The following ARHGEF16 variants were observed in gnomAD, a reference collection of about 807,000 sequenced individuals.
ARHGEF16 encodes Rho guanine exchange factor (GEF) 16.
In ARHGEF16, 59 loss-of-function variants were observed where a neutral mutation model predicts 74.1. That is an observed-to-expected ratio of 0.80 (90% CI 0.65 to 0.99). The LOEUF (loss-of-function observed/expected upper bound fraction) is 0.99, where lower values mean the gene tolerates loss of function less well. Among genes scored for constraint, ARHGEF16 ranks in the 50% least tolerant of loss-of-function variants. ARHGEF16 has a pLI of 0.00. For missense variants in ARHGEF16, 948 were observed against 986.6 expected, an observed-to-expected ratio of 0.96 and a Z score of 0.52; for synonymous variants, 415 against 412.6, an observed-to-expected ratio of 1.01 and a Z score of -0.07.
At chr1:3,468,795 T>G in intron 4 of ARHGEF16, 85 bp from the exon 5 acceptor site, 1 of 1,480,266 alleles carries the variant, frequency 6.8e-7, no homozygotes, top group Non-Finnish European at 9.2e-7. Flanking sequence ...TTGGCCCTGG[T>G]CCATCAGGAG....
Position 3,479,798 on chromosome 1 carries a change from A to T in ARHGEF16, c.1889-14A>T. The T allele has an allele frequency of 2.5e-6, 4 of 1,611,282 alleles. No homozygotes were observed. Among genetic ancestry groups the T allele is most frequent in the Non-Finnish European group, 3.4e-6 (4 of 1,179,468 alleles). On this transcript the variant is annotated splice_polypyrimidine_tract_variant and intron_variant, in intron 13 of 14. Transcript: ENST00000378378. ...GCCTCCCGACAGCCCTGTGATGGCC[A>T]CTGCCCTATGCAGACCTGCCCCAGG...
rs147326512 is a variant in ARHGEF16 at position 3,458,031 on chromosome 1, G to A, written c.-20+3220G>A. ...CCAGCCTCTGCTCATTTTGAGCCAA[G>A]TCCCCTTGCAAGTTGGTTCTTGGCA... On this transcript the variant is annotated intron_variant, in intron 1 of 14. Coordinates refer to ENST00000378378, the MANE Select transcript of ARHGEF16 (RefSeq NM_014448.4). 6.0e-3 allele frequency among the ~76,000 whole-genome samples: 918 copies of A among 152,308 alleles called. 3 individuals carry two copies. Among genetic ancestry groups the A allele is most frequent in the Non-Finnish European group, 0.011 (743 of 68,034 alleles).
chr1:3,462,365 G>A (rs1299490851), intron 1 of ARHGEF16, among the ~76,000 whole-genome samples: 1 of 152,234 alleles, frequency 6.6e-6, no homozygotes, highest in Non-Finnish European at 1.5e-5. Context: ...TCCATGGACA[G>A]TCCGCGACAG....
chr1:3,458,304 G>C (rs1206545697), intron 1 of ARHGEF16, among the ~76,000 whole-genome samples: 2 of 152,194 alleles, frequency 1.3e-5, no homozygotes, highest in African/African-American at 4.8e-5. Context: ...AGCAAGTCAG[G>C]GCTGCCTTTG....
intron 1 of ARHGEF16, among the ~76,000 whole-genome samples, chr1:3,461,923 G>A (rs1639406314): frequency 1.3e-5 from 2 of 152,220 alleles, no homozygotes; most frequent in South Asian, 2.1e-4. Context: ...TCTCAGGACT[G>A]TGCCATTCCC....
At position 3,465,897 on chromosome 1, in the gene ARHGEF16, T is replaced by TC; in HGVS notation, c.589-247dup. Reference sequence around the variant, plus strand: ...GGCCTGCTCGAAACTCTTCTGAGCGTCCCCTCACGATGAGTTCAACCCTTC... The same window carrying TC: ...GGCCTGCTCGAAACTCTTCTGAGCGTCCCCCTCACGATGAGTTCAACCCTTC... On this transcript the variant is annotated intron_variant, in intron 2 of 14. Coordinates refer to ENST00000378378, the MANE Select transcript of ARHGEF16 (RefSeq NM_014448.4). 3 of 512,916 alleles carry TC rather than the reference T, an allele frequency of 5.8e-6. No homozygotes were observed. The Middle Eastern group carries it at 1.4e-3, about 235-fold the overall frequency. 31.8% of individuals were successfully genotyped at this position (512,916 alleles called of 1,614,324 possible).
In ARHGEF16 at chr1:3,479,798, A is replaced by G. The variant is rs1462517151; in HGVS notation, c.1889-14A>G. On this transcript the variant is annotated splice_polypyrimidine_tract_variant and intron_variant, in intron 13 of 14. Transcript: ENST00000378378. ...GCCTCCCGACAGCCCTGTGATGGCCACTGCCCTATGCAGACCTGCCCCAGG... is the reference window on the plus strand; with the variant it reads ...GCCTCCCGACAGCCCTGTGATGGCCGCTGCCCTATGCAGACCTGCCCCAGG... The G allele has an allele frequency of 1.2e-6, 2 of 1,611,282 alleles. No homozygotes were observed. The highest frequency in any genetic ancestry group is 1.3e-5 in the African/African-American group (1 of 75,012).
intron 1 of ARHGEF16, among the ~76,000 whole-genome samples, chr1:3,462,767 A>G (rs1023860917): frequency 6.6e-6 from 1 of 152,132 alleles, no homozygotes; most frequent in Non-Finnish European, 1.5e-5. Flanking sequence ...CCAACCTCCA[A>G]GGTCCAGCCT....
chr1:3,480,990 A>T lies in ARHGEF16; in HGVS notation c.*403A>T, dbSNP rs1369666688. 3 of 194,390 alleles carry T rather than the reference A, an allele frequency of 1.5e-5. No individual in the cohort carries two copies. Among genetic ancestry groups the T allele is most frequent in the African/African-American group, 7.0e-5 (3 of 42,898 alleles). 12.0% of individuals were successfully genotyped at this position (194,390 alleles called of 1,614,324 possible). On this transcript the variant is annotated 3_prime_UTR_variant, in exon 15 of 15. Transcript: ENST00000378378. Reference sequence around the variant, plus strand: ...TGCCCTTCCTACCCCTGAGTGGGACAAGAAGGGCCCTGAGTGCCCAGGAGT... The same window carrying T: ...TGCCCTTCCTACCCCTGAGTGGGACTAGAAGGGCCCTGAGTGCCCAGGAGT...
chr1:3,458,402 A>G (rs1251679833), intron 1 of ARHGEF16, among the ~76,000 whole-genome samples: 10 of 152,236 alleles, frequency 6.6e-5, no homozygotes, highest in Admixed American at 6.5e-4. Flanking sequence ...CAGCATGGCC[A>G]GCTGCTGAAA....
At chr1:3,469,239 C>T (rs1171477650) in intron 5 of ARHGEF16, among the ~76,000 whole-genome samples, 194 bp from the exon 6 acceptor site, 1 of 152,196 alleles carries the variant, frequency 6.6e-6, no homozygotes, top group African/African-American at 2.4e-5. Flanking sequence ...GGCACCCAGC[C>T]AGGGGCATCC....
chr1:3,469,439 T>A lies in ARHGEF16; in HGVS notation c.868T>A (p.Phe290Ile). 1 of 1,612,882 alleles carries A rather than the reference T, an allele frequency of 6.2e-7. No homozygotes were observed. Reference protein sequence around the residue: ...TEERKRQEAMFEILTSEFSYQ... With the variant: ...TEERKRQEAMIEILTSEFSYQ... ...CCTAGGCCCCTCTCCACAGGCCATG[T>A]TCGAGATCCTCACGTCGGAGTTCTC... Residue 290 changes from phenylalanine to isoleucine, a missense_variant, in exon 6 of 15, where the codon TTC becomes ATC. Transcript: ENST00000378378.
intron 2 of ARHGEF16, among the ~76,000 whole-genome samples, chr1:3,465,230 T>C (rs1228957803): frequency 6.6e-6 from 1 of 152,236 alleles, no homozygotes; most frequent in Non-Finnish European, 1.5e-5. Context: ...CCCACGGGCA[T>C]GGGCCTGGTT....
intron 3 of ARHGEF16, 118 bp from the exon 4 acceptor site, chr1:3,467,050 C>G: frequency 8.9e-7 from 1 of 1,128,540 alleles, no homozygotes. Flanking sequence ...CCCAAAGCCT[C>G]CCTCTCCCAC....
At chr1:3,470,898 C>A (rs1309292751) in intron 6 of ARHGEF16, among the ~76,000 whole-genome samples, 1 of 105,266 alleles carries the variant, frequency 9.5e-6, no homozygotes, top group Non-Finnish European at 1.9e-5. Flanking sequence ...GTGTGTGTGC[C>A]TGGCCAGGGG....
At chr1:3,460,000 A>C (rs1336618677) in intron 1 of ARHGEF16, among the ~76,000 whole-genome samples, 1 of 152,176 alleles carries the variant, frequency 6.6e-6, no homozygotes, top group African/African-American at 2.4e-5. Context: ...TTTTCATGCT[A>C]AGTCTTTGGT....
chr1:3,470,311 C>T (rs1054809203), intron 6 of ARHGEF16, among the ~76,000 whole-genome samples: 7 of 132,366 alleles, frequency 5.3e-5, no homozygotes, highest in South Asian at 4.6e-4. Flanking sequence ...GGTGTCTGCA[C>T]GGGTGTGTCT....
At chr1:3,477,218 C>T (rs1293489592) in intron 10 of ARHGEF16, among the ~76,000 whole-genome samples, 2 of 144,974 alleles carry the variant, frequency 1.4e-5, no homozygotes, top group South Asian at 2.3e-4. Context: ...CGCTGAGGAG[C>T]GGGAGCTGGT....
intron 6 of ARHGEF16, among the ~76,000 whole-genome samples, chr1:3,472,445 C>G (rs1015522723): frequency 5.3e-5 from 8 of 152,256 alleles, no homozygotes; most frequent in Non-Finnish European, 1.0e-4. Context: ...AGCTGGCCCC[C>G]CCCCGGCCTT....
Sources: gnomAD v4.1 joint callset for allele counts (sites outside exome capture counted in the v4.1 genomes callset) on GRCh38, gnomAD v4.1.1 for gene constraint, MANE v1.5 for transcripts, NCBI Gene and HGNC (gene_info 2026-07-23, HGNC 2026-07-21) for gene names.